CMTR1: variants seen among roughly 807,000 people sequenced by gnomAD.
CMTR1 encodes the protein cap methyltransferase 1.
Under a neutral mutation model 107.0 loss-of-function variants are expected in CMTR1, and 39 were observed. The observed-to-expected ratio is 0.36, with a 90% confidence interval of 0.28 to 0.48. The LOEUF (loss-of-function observed/expected upper bound fraction) is 0.48. Ranked by LOEUF, CMTR1 falls within the 20% of genes least tolerant of loss-of-function variation. The pLI, the probability that CMTR1 is intolerant of heterozygous loss-of-function variation, is 0.99. For synonymous variants in CMTR1, 366 were observed against 379.5 expected (o/e 0.96, Z 0.41); for missense variants, 672 against 1,064.9 (o/e 0.63, Z 5.14).
intron 8 of CMTR1, among the ~76,000 whole-genome samples, chr6:37,453,802 A>T (rs1220301284): frequency 6.6e-6 from 1 of 152,180 alleles, no homozygotes; most frequent in African/African-American, 2.4e-5. Flanking sequence ...TGGATTACTT[A>T]AGTTTATACC....
rs1313378399 is a variant in CMTR1, at chr6:37,472,823, T to G, written c.1689+336T>G. ...AGGAGACATAGAGTGTGGGATGATC[T>G]TAGGCAAGGGAGCTGGGCACAGGGT... On this transcript the variant is annotated intron_variant, in intron 16 of 23. Coordinates refer to ENST00000373451, the MANE Select transcript of CMTR1 (RefSeq NM_015050.3). The surrounding 1 kb of genome is among the most constrained non-coding windows in gnomAD (Gnocchi z 4.1). 6.6e-6 allele frequency among the ~76,000 whole-genome samples: 1 copy of G among 152,204 alleles called. No individual in the cohort carries two copies. Among genetic ancestry groups the G allele is most frequent in the Non-Finnish European group, 1.5e-5 (1 of 68,034 alleles).
intron 4 of CMTR1, among the ~76,000 whole-genome samples, chr6:37,446,961 G>T (rs1310297775): frequency 6.6e-6 from 1 of 152,048 alleles, no homozygotes; most frequent in Non-Finnish European, 1.5e-5. Flanking sequence ...TGCTTACTAG[G>T]GTACCAGTTT....
rs565711879 is a variant in CMTR1, at chr6:37,458,116, G to A, written c.778-496G>A. ...GTCGCCCAGGCTCAAGTGCAGTGGCGCGATCTCAGCTCACTGCAACCTCTG... is the reference window on the plus strand; with the variant it reads ...GTCGCCCAGGCTCAAGTGCAGTGGCACGATCTCAGCTCACTGCAACCTCTG... On this transcript the variant is annotated intron_variant, in intron 8 of 23. Coordinates refer to ENST00000373451, the MANE Select transcript of CMTR1 (RefSeq NM_015050.3). The surrounding 1 kb of genome is among the most constrained non-coding windows in gnomAD (Gnocchi z 4.7). Among the ~76,000 whole-genome samples, 9 of 152,144 alleles carry A rather than the reference G, an allele frequency of 5.9e-5. No individual in the cohort carries two copies. The highest frequency in any genetic ancestry group is 1.2e-4 in the African/African-American group (5 of 41,502).
chr6:37,471,024 C>T lies in CMTR1; in HGVS notation c.1509C>T (p.His503=). ...TDYMIRSNES[H]CSLQIKALAK... Reference sequence around the variant, plus strand: ...AAATAATTTTTTTTTCTTCTAGCCACTGTAGTCTGCAGATCAAAGCTCTGG... The same window carrying T: ...AAATAATTTTTTTTTCTTCTAGCCATTGTAGTCTGCAGATCAAAGCTCTGG... Residue 503 remains histidine, a synonymous_variant, in exon 14 of 24, where the codon CAC becomes CAT. Coordinates refer to ENST00000373451, the MANE Select transcript of CMTR1 (RefSeq NM_015050.3). 2 of 1,603,828 alleles carry T rather than the reference C, an allele frequency of 1.2e-6. No homozygotes were observed. The highest frequency in any genetic ancestry group is 1.1e-5 in the South Asian group (1 of 89,134).
intron 18 of CMTR1, 104 bp downstream of exon 18, chr6:37,474,750 G>GCATTGTAACAC: frequency 6.6e-7 from 1 of 1,517,694 alleles, no homozygotes; most frequent in Non-Finnish European, 8.9e-7. Flanking sequence ...TTGTGTGGTG[G>GCATTGTAACAC]CTGACAGGGC....
chr6:37,443,133 C>G (rs1247158008), intron 2 of CMTR1, among the ~76,000 whole-genome samples: 1 of 152,106 alleles, frequency 6.6e-6, no homozygotes, highest in South Asian at 2.1e-4. Flanking sequence ...AAATGCTAAC[C>G]CCTGAATGTG....
intron 19 of CMTR1, 85 bp from the exon 20 acceptor site, chr6:37,476,041 C>T: frequency 7.7e-7 from 1 of 1,298,080 alleles, no homozygotes; most frequent in Non-Finnish European, 1.1e-6. Context: ...GGTTCTCCTA[C>T]TGGAGCTGTG....
the CMTR1 span, among the ~76,000 whole-genome samples, chr6:37,428,055 A>AGAGAGAGAGAGG: frequency 1.4e-5 from 2 of 142,786 alleles, no homozygotes; most frequent in South Asian, 2.2e-4. Flanking sequence ...AGAGAGAGAG[A>AGAGAGAGAGAGG]GAGAGAAACT....
intron 4 of CMTR1, among the ~76,000 whole-genome samples, chr6:37,448,819 C>A (rs1771865399): frequency 6.6e-6 from 1 of 152,248 alleles, no homozygotes; most frequent in South Asian, 2.1e-4. Context: ...ATCCTGGTGG[C>A]ACTTAGCGCT....
At position 37,473,615 on chromosome 6, in the gene CMTR1, T is replaced by A. The variant is rs773877997; in HGVS notation, c.1821+14T>A. On this transcript the variant is annotated intron_variant, in intron 17 of 23. Coordinates refer to ENST00000373451, the MANE Select transcript of CMTR1 (RefSeq NM_015050.3). ...ATCGGCCTGGGGGTAAGTCTGCAGC[T>A]GGCTTCCTGCCCAGCTTGGAATGGT... The A allele has an allele frequency of 5.6e-6, 9 of 1,611,380 alleles. 1 individual carries two copies. The highest frequency in any genetic ancestry group is 4.0e-5 in the African/African-American group (3 of 75,010).
chr6:37,477,710 T>A (rs1761767427), intron 21 of CMTR1, 71 bp downstream of exon 21: 1 of 541,878 alleles, frequency 1.8e-6, no homozygotes, highest in Admixed American at 2.2e-5. Context: ...GTAGTCATCC[T>A]CCGTTTCATA....
At chr6:37,448,013 A>G (rs1409918111) in intron 4 of CMTR1, among the ~76,000 whole-genome samples, 5 of 152,118 alleles carry the variant, frequency 3.3e-5, no homozygotes, top group Non-Finnish European at 7.4e-5. Flanking sequence ...GATCAAGACC[A>G]TCTTGGCTAA....
chr6:37,479,822 C>T (rs1281274506), intron 23 of CMTR1, among the ~76,000 whole-genome samples, 191 bp from the exon 24 acceptor site: 1 of 152,230 alleles, frequency 6.6e-6, no homozygotes, highest in East Asian at 1.9e-4. Context: ...TTAGCAGCAA[C>T]AGCTGTTTGT....
chr6:37,456,614 G>T (rs571712877), intron 8 of CMTR1, among the ~76,000 whole-genome samples: 2 of 152,304 alleles, frequency 1.3e-5, no homozygotes, highest in African/African-American at 4.8e-5. Context: ...TCTAGCAGCT[G>T]CAGAACTCTA....
At chr6:37,432,547 G>A (rs1243778813), upstream of CMTR1, among the ~76,000 whole-genome samples, 2 of 152,190 alleles carry the variant, frequency 1.3e-5, no homozygotes, top group Non-Finnish European at 2.9e-5. Context: ...AAGTGTATGA[G>A]AAACTTTGGG....
chr6:37,475,264 T>G, intron 18 of CMTR1, 57 bp from the exon 19 acceptor site: 1 of 1,375,358 alleles, frequency 7.3e-7, no homozygotes, highest in Non-Finnish European at 1.0e-6. Flanking sequence ...TGGTGGGTAG[T>G]GGGGGCTGAA....
At chr6:37,448,210 CAAAAAAA>C (rs11397206) in intron 4 of CMTR1, among the ~76,000 whole-genome samples, 2 of 91,108 alleles carry the variant, frequency 2.2e-5, no homozygotes, top group African/African-American at 8.9e-5. Flanking sequence ...GATTCCGTCT[CAAAAAAA>C]AAAAAAAAAA....
At chr6:37,476,815 T>C (rs147227612) in intron 20 of CMTR1, among the ~76,000 whole-genome samples, 17 of 152,388 alleles carry the variant, frequency 1.1e-4, no homozygotes, top group Admixed American at 3.3e-4. Context: ...CTGAGGTATC[T>C]ATTTACACTT....
At chr6:37,465,200 G>A (rs562389740) in intron 13 of CMTR1, among the ~76,000 whole-genome samples, 5 of 151,788 alleles carry the variant, frequency 3.3e-5, no homozygotes, top group East Asian at 1.9e-4. Flanking sequence ...CCCGGGAGGC[G>A]AGGTTGCGGT....
Sources: allele counts gnomAD v4.1 joint callset (sites outside exome capture counted in the v4.1 genomes callset), GRCh38; gene constraint gnomAD v4.1.1; non-coding constraint Gnocchi (gnomAD v3.1); transcripts MANE v1.5; gene names NCBI Gene and HGNC (gene_info 2026-07-23, HGNC 2026-07-21).